PLS1: variants seen among roughly 807,000 people sequenced by gnomAD.
PLS1 encodes plastin 1.
In PLS1, 32 loss-of-function variants were observed where a neutral mutation model predicts 73.7. That is an observed-to-expected ratio of 0.43 (90% confidence interval 0.33 to 0.58). The LOEUF is 0.58. Among genes scored for constraint, PLS1 ranks in the 20% least tolerant of loss-of-function variants. The probability of loss-of-function intolerance (pLI) is 0.04; values close to 1 mark genes in which losing one functional copy is unlikely to be tolerated. For missense variants in PLS1, 633 were observed against 740.5 expected (o/e 0.85, Z 1.68); for synonymous variants, 217 against 261.3 (o/e 0.83, Z 1.63).
chr3:142,648,358 T>C (rs980364171), intron 1 of PLS1, among the ~76,000 whole-genome samples: 2 of 152,086 alleles, frequency 1.3e-5, no homozygotes, highest in Admixed American at 6.6e-5. Flanking sequence ...GTTGAAAGGT[T>C]TGGAGTCTAT....
chr3:142,599,312 A>C (rs2035870345), intron 1 of PLS1, among the ~76,000 whole-genome samples: 1 of 147,020 alleles, frequency 6.8e-6, no homozygotes, highest in Admixed American at 6.8e-5. Flanking sequence ...TAGAGGAGGG[A>C]CTCAGATATT....
At chr3:142,602,363 G>T (rs1172720301) in intron 1 of PLS1, among the ~76,000 whole-genome samples, 4 of 152,020 alleles carry the variant, frequency 2.6e-5, no homozygotes, top group Non-Finnish European at 5.9e-5. Context: ...CAGGTATAAG[G>T]ATTTCTTTCC....
intron 9 of PLS1, among the ~76,000 whole-genome samples, chr3:142,687,070 G>A (rs574038616): frequency 7.9e-5 from 12 of 152,086 alleles, no homozygotes; most frequent in Non-Finnish European, 1.5e-4. Context: ...TACTTCCTAG[G>A]AATCTCATTC....
chr3:142,603,745 G>A (rs2035967284), intron 1 of PLS1, among the ~76,000 whole-genome samples: 1 of 149,312 alleles, frequency 6.7e-6, no homozygotes, highest in Admixed American at 6.7e-5. Context: ...ACTTTAGCCT[G>A]GGTGACAAAG....
intron 14 of PLS1, among the ~76,000 whole-genome samples, chr3:142,710,663 C>A (rs1933082093): frequency 6.6e-6 from 1 of 152,108 alleles, no homozygotes; most frequent in South Asian, 2.1e-4. Context: ...AATATGGGTT[C>A]TACTTGTATG....
At chr3:142,680,866 C>T (rs1303247215) in intron 6 of PLS1, among the ~76,000 whole-genome samples, 1 of 152,142 alleles carries the variant, frequency 6.6e-6, no homozygotes, top group Non-Finnish European at 1.5e-5. Flanking sequence ...TGATCCCAGT[C>T]GTCTAGCGCC....
At chr3:142,698,869 G>A (rs963201555) in intron 12 of PLS1, among the ~76,000 whole-genome samples, 13 of 152,054 alleles carry the variant, frequency 8.5e-5, no homozygotes, top group Admixed American at 4.6e-4. Context: ...AAGTTGGGTG[G>A]CAAAATGCTA....
chr3:142,660,797 G>T (rs1170361193), intron 1 of PLS1, among the ~76,000 whole-genome samples: 2 of 152,212 alleles, frequency 1.3e-5, no homozygotes, highest in Non-Finnish European at 1.5e-5. Flanking sequence ...AAACAACGTT[G>T]TATGGGTAAA....
At chr3:142,626,241 C>T (rs968926606) in intron 1 of PLS1, among the ~76,000 whole-genome samples, 1 of 152,130 alleles carries the variant, frequency 6.6e-6, no homozygotes, top group African/African-American at 2.4e-5. Flanking sequence ...GATGGAAAAT[C>T]AGGAAGCGAG....
chr3:142,680,395 G>A (rs1283292664), intron 6 of PLS1, among the ~76,000 whole-genome samples: 1 of 152,154 alleles, frequency 6.6e-6, no homozygotes, highest in African/African-American at 2.4e-5. Context: ...TAAAAATTCA[G>A]TTGGATTTTG....
rs540725201 is a variant in PLS1, at chr3:142,706,683, G to T, written c.1629+2097G>T. Among the ~76,000 whole-genome samples, 36 of 152,236 alleles carry T rather than the reference G, an allele frequency of 2.4e-4. No homozygotes were observed. In the South Asian group the frequency reaches 7.1e-3, roughly 30 times the overall value. On this transcript the variant is annotated intron_variant, in intron 14 of 15. Transcript: ENST00000457734. ...CAAAAGAATCCAAGGCAGTACTCAA[G>T]GTGTGATGTAATAAGGGGGCTGGGG... is the stretch of plus-strand genomic sequence containing the variant.
intron 1 of PLS1, among the ~76,000 whole-genome samples, chr3:142,644,708 T>C (rs767274347): frequency 6.6e-6 from 1 of 152,254 alleles, no homozygotes; most frequent in Non-Finnish European, 1.5e-5. Flanking sequence ...GACGGGACTT[T>C]ATAACTGTTA....
intron 1 of PLS1, among the ~76,000 whole-genome samples, chr3:142,611,694 A>G (rs555598135): frequency 2.1e-4 from 32 of 152,318 alleles, no homozygotes; most frequent in African/African-American, 7.5e-4. Flanking sequence ...TAGTATGTAC[A>G]TACTATATAC....
intron 1 of PLS1, among the ~76,000 whole-genome samples, chr3:142,650,492 T>C (rs967979787): frequency 2.6e-5 from 4 of 152,098 alleles, no homozygotes; most frequent in East Asian, 1.9e-4. Flanking sequence ...CAGGGGATCA[T>C]GTGGGGATTC....
intron 1 of PLS1, among the ~76,000 whole-genome samples, chr3:142,649,606 CCA>C (rs1205120697): frequency 6.6e-6 from 1 of 151,558 alleles, no homozygotes; most frequent in Non-Finnish European, 1.5e-5. Flanking sequence ...CCACTGAACT[CCA>C]GTCTGGGCAA....
intron 1 of PLS1, among the ~76,000 whole-genome samples, chr3:142,615,364 A>G (rs985954794): frequency 1.3e-5 from 2 of 152,176 alleles, no homozygotes; most frequent in African/African-American, 4.8e-5. Context: ...GGCTGAGACA[A>G]GGCAGGGTGA....
At chr3:142,705,142 T>C (rs775284809) in intron 14 of PLS1, among the ~76,000 whole-genome samples, 3 of 152,160 alleles carry the variant, frequency 2.0e-5, no homozygotes, top group Non-Finnish European at 4.4e-5. Flanking sequence ...AGGTTAATAT[T>C]ATCTGACTCT....
intron 1 of PLS1, among the ~76,000 whole-genome samples, chr3:142,597,027 T>C (rs913247099): frequency 6.6e-6 from 1 of 152,184 alleles, no homozygotes; most frequent in African/African-American, 2.4e-5. Context: ...GCCAAAAAAC[T>C]TTCCGTGTTT....
At chr3:142,670,423 A>G (rs891076159) in intron 3 of PLS1, among the ~76,000 whole-genome samples, 1 of 152,238 alleles carries the variant, frequency 6.6e-6, no homozygotes, top group Non-Finnish European at 1.5e-5. Context: ...CCTAAAAGCA[A>G]TAGGAAGACA....
Sources: allele counts gnomAD v4.1 joint callset (sites outside exome capture counted in the v4.1 genomes callset), GRCh38; gene constraint gnomAD v4.1.1; transcripts MANE v1.5; gene names NCBI Gene and HGNC (gene_info 2026-07-23, HGNC 2026-07-21).